FSHR: variants seen among roughly 807,000 people sequenced by gnomAD.
The protein encoded by FSHR is follicle-stimulating hormone receptor.
A neutral mutation model predicts 52.1 loss-of-function variants in FSHR; 46 were observed. The observed-to-expected ratio is 0.88, with a 90% CI of 0.70 to 1.13. FSHR has a LOEUF of 1.13. Ranked by LOEUF, FSHR falls within the 50% of genes most tolerant of loss-of-function variation. The probability of loss-of-function intolerance (pLI) is 0.00; values close to 1 mark genes in which losing one functional copy is unlikely to be tolerated. For missense variants in FSHR, 964 were observed against 834.6 expected (o/e 1.16, Z -1.91); for synonymous variants, 399 against 309.6 (o/e 1.29, Z -3.03).
chr2:48,985,802 T>C (rs1475690241), intron 6 of FSHR, among the ~76,000 whole-genome samples: 1 of 131,078 alleles, frequency 7.6e-6, no homozygotes, highest in Non-Finnish European at 1.6e-5. Context: ...CAAGTTCCGC[T>C]TCCCGGGTTC....
At chr2:49,124,797 A>G (rs144341642) in intron 1 of FSHR, among the ~76,000 whole-genome samples, 6 of 152,234 alleles carry the variant, frequency 3.9e-5, no homozygotes, top group African/African-American at 1.4e-4. Context: ...TTTAGTCAAC[A>G]GTAATTTTCT....
chr2:49,136,089 A>T (rs1672478638), intron 1 of FSHR, among the ~76,000 whole-genome samples: 1 of 152,152 alleles, frequency 6.6e-6, no homozygotes, highest in South Asian at 2.1e-4. Flanking sequence ...TAGTTCTTTG[A>T]AAAGATTAAA....
chr2:49,116,455 A>C (rs1008400798), intron 1 of FSHR, among the ~76,000 whole-genome samples: 5 of 152,188 alleles, frequency 3.3e-5, no homozygotes, highest in African/African-American at 1.2e-4. Flanking sequence ...CTTGTAAGCT[A>C]TGTGTTCTCT....
In FSHR at chr2:49,020,293, T is replaced by C. The variant is rs112418936; in HGVS notation, c.225-133A>G. On this transcript the variant is annotated intron_variant, in intron 2 of 9. Transcript: ENST00000406846. ...AACTCCTTTCCTGCCATTAAAGAAGTCAGCTGTAGTAATAAGGCAAAACTA... is the reference window on the plus strand; with the variant it reads ...AACTCCTTTCCTGCCATTAAAGAAGCCAGCTGTAGTAATAAGGCAAAACTA... 1.8e-3 allele frequency: 1,447 copies of C among 783,704 alleles called. 14 individuals carry two copies. The African/African-American group carries it at 0.022, about 12-fold the overall frequency. The allele number at this position is 783,704 out of a possible 1,614,324, so 48.5% of individuals were successfully genotyped here.
chr2:49,104,232 T>A (rs1245261644), intron 1 of FSHR, among the ~76,000 whole-genome samples: 2 of 152,146 alleles, frequency 1.3e-5, no homozygotes, highest in African/African-American at 4.8e-5. Flanking sequence ...TTCTTCAGCC[T>A]CTCAGCAGTC....
Position 48,993,509 on chromosome 2 carries a change from C to T in FSHR, c.375-2872G>A, listed in dbSNP as rs530069025. ...TTTGCCTATCTCCACTGACACCATTCCCAAAAGACCCTCTGAATGTCTGCA... is the reference window on the plus strand; with the variant it reads ...TTTGCCTATCTCCACTGACACCATTTCCAAAAGACCCTCTGAATGTCTGCA... On this transcript the variant is annotated intron_variant, in intron 4 of 9. Coordinates refer to ENST00000406846, the MANE Select transcript of FSHR (RefSeq NM_000145.4). Among the ~76,000 whole-genome samples, 165 of 152,240 alleles carry T rather than the reference C, an allele frequency of 1.1e-3. 1 individual carries two copies. The highest frequency in any genetic ancestry group is 2.0e-3 in the Non-Finnish European group (139 of 68,002).
At chr2:49,122,620 C>G (rs990819549) in intron 1 of FSHR, among the ~76,000 whole-genome samples, 6 of 152,156 alleles carry the variant, frequency 3.9e-5, no homozygotes, top group African/African-American at 9.7e-5. Flanking sequence ...TCTCCCTTTT[C>G]CAATTTGTCT....
At chr2:48,974,728 A>T (rs948900592) in intron 8 of FSHR, among the ~76,000 whole-genome samples, 3 of 138,590 alleles carry the variant, frequency 2.2e-5, no homozygotes, top group Admixed American at 1.5e-4. Flanking sequence ...ATCTCCATGG[A>T]TTAAGAAAAT....
intron 1 of FSHR, among the ~76,000 whole-genome samples, chr2:49,137,269 G>T (rs928091833): frequency 2.0e-5 from 3 of 151,962 alleles, no homozygotes; most frequent in African/African-American, 7.2e-5. Flanking sequence ...TATAAAAAAT[G>T]AACTTAGGAA....
chr2:49,094,988 G>T (rs2882224), intron 1 of FSHR, among the ~76,000 whole-genome samples: 1 of 151,934 alleles, frequency 6.6e-6, no homozygotes, highest in South Asian at 2.1e-4. Flanking sequence ...GAACAAAAAG[G>T]ATTATGTGAA....
intron 1 of FSHR, among the ~76,000 whole-genome samples, chr2:49,097,951 ATT>A (rs1670887884): frequency 6.9e-6 from 1 of 144,772 alleles, no homozygotes; most frequent in Admixed American, 7.1e-5. Flanking sequence ...CCAAATTTTT[ATT>A]AAGTTTTAAA....
Position 49,154,503 on chromosome 2 carries a change from T to C in FSHR, c.-86A>G. ...TCAGAAGCTCCACACAGTGCCCTTA[T>C]GAGAAGAGATCTGACTTGAGAACTG... On this transcript the variant is annotated 5_prime_UTR_variant, in exon 1 of 10. Coordinates refer to ENST00000406846, the MANE Select transcript of FSHR (RefSeq NM_000145.4). 1 of 1,422,892 alleles carries C rather than the reference T, an allele frequency of 7.0e-7. No homozygotes were observed. Among genetic ancestry groups the C allele is most frequent in the South Asian group, 1.2e-5 (1 of 85,506 alleles). 88.1% of individuals were successfully genotyped at this position (1,422,892 alleles called of 1,614,324 possible).
chr2:49,050,787 A>C (rs927336394), intron 2 of FSHR, among the ~76,000 whole-genome samples: 4 of 152,106 alleles, frequency 2.6e-5, no homozygotes, highest in Non-Finnish European at 5.9e-5. Flanking sequence ...ACAAATAATA[A>C]AATGCATTCA....
At chr2:48,989,485 G>T (rs954280664) in intron 5 of FSHR, among the ~76,000 whole-genome samples, 2 of 152,066 alleles carry the variant, frequency 1.3e-5, no homozygotes, top group Non-Finnish European at 2.9e-5. Flanking sequence ...GTTTCACCAT[G>T]TTGCCCAGGC....
At chr2:49,153,168 C>T (rs1044110299) in intron 1 of FSHR, among the ~76,000 whole-genome samples, 1 of 152,212 alleles carries the variant, frequency 6.6e-6, no homozygotes, top group Non-Finnish European at 1.5e-5. Flanking sequence ...AATGCAACAC[C>T]AACATGTTTC....
intron 2 of FSHR, among the ~76,000 whole-genome samples, chr2:49,067,437 T>G (rs1669549042): frequency 6.6e-6 from 1 of 152,164 alleles, no homozygotes; most frequent in Non-Finnish European, 1.5e-5. Flanking sequence ...TTGCTTTCAT[T>G]CCCTTCTGTA....
intron 1 of FSHR, among the ~76,000 whole-genome samples, chr2:49,137,266 A>C (rs1351138352): frequency 6.6e-6 from 1 of 152,116 alleles, no homozygotes; most frequent in East Asian, 1.9e-4. Flanking sequence ...TATTATAAAA[A>C]ATGAACTTAG....
At chr2:49,099,723 G>A (rs1043968897) in intron 1 of FSHR, among the ~76,000 whole-genome samples, 3 of 152,080 alleles carry the variant, frequency 2.0e-5, no homozygotes, top group Non-Finnish European at 4.4e-5. Context: ...TTGGAGTGAT[G>A]CGTCTGTAAA....
intron 1 of FSHR, among the ~76,000 whole-genome samples, chr2:49,079,926 G>A (rs914526477): frequency 4.6e-5 from 7 of 152,158 alleles, no homozygotes; most frequent in Admixed American, 1.3e-4. Flanking sequence ...TGTAGTTTAT[G>A]TGTAAGCGTT....
Sources: gnomAD v4.1 joint callset for allele counts (sites outside exome capture counted in the v4.1 genomes callset) on GRCh38, gnomAD v4.1.1 for gene constraint, MANE v1.5 for transcripts, NCBI Gene and HGNC (gene_info 2026-07-23, HGNC 2026-07-21) for gene names.